Variants in ABCC6 observed in about 807,000 individuals in gnomAD.
The protein encoded by ABCC6 is ATP-binding cassette sub-family C member 6.
A neutral mutation model predicts 169.5 loss-of-function variants in ABCC6; 126 were observed. The ratio of observed to expected loss-of-function variants is 0.74; its 90% CI spans 0.64 to 0.86. ABCC6 has a LOEUF of 0.86. Among genes scored for constraint, ABCC6 ranks in the 40% least tolerant of loss-of-function variants. The pLI, the probability that ABCC6 is intolerant of heterozygous loss-of-function variation, is 0.00. For synonymous variants in ABCC6, 752 were observed against 814.7 expected (o/e 0.92, Z 1.31); for missense variants, 1,733 against 1,927.2 (o/e 0.90, Z 1.89).
At chr16:16,162,730 C>G (rs929489557) in intron 24 of ABCC6, among the ~76,000 whole-genome samples, 9 of 152,180 alleles carry the variant, frequency 5.9e-5, no homozygotes, top group Non-Finnish European at 1.2e-4. Context: ...TATATGGCTG[C>G]TTTATCACCA....
chr16:16,169,294 G>A (rs193173060), intron 22 of ABCC6, among the ~76,000 whole-genome samples: 20 of 152,200 alleles, frequency 1.3e-4, no homozygotes, highest in African/African-American at 4.6e-4. Context: ...CATTTTTGAG[G>A]AGGAGAAGAA....
At chr16:16,215,095 C>A (rs1257066344) in intron 4 of ABCC6, among the ~76,000 whole-genome samples, 1 of 152,206 alleles carries the variant, frequency 6.6e-6, no homozygotes, top group African/African-American at 2.4e-5. Context: ...CCACCCTCTA[C>A]CCCAATCTTC....
intron 11 of ABCC6, among the ~76,000 whole-genome samples, chr16:16,192,554 G>A (rs191524391): frequency 5.6e-4 from 85 of 152,246 alleles, no homozygotes; most frequent in Admixed American, 2.2e-3. Context: ...TTTTGAAGGT[G>A]ATGCCAAGCA....
chr16:16,200,140 A>G (rs1362959511), intron 9 of ABCC6, among the ~76,000 whole-genome samples: 1 of 150,832 alleles, frequency 6.6e-6, no homozygotes, highest in African/African-American at 2.4e-5. Flanking sequence ...TAACATAAAA[A>G]AGTAGCCCAG....
chr16:16,179,567 T>G (rs1208435378), intron 17 of ABCC6, among the ~76,000 whole-genome samples: 1 of 152,028 alleles, frequency 6.6e-6, no homozygotes, highest in Non-Finnish European at 1.5e-5. Context: ...GATTGTGCAC[T>G]TCTATTATTA....
chr16:16,158,143 T>G (rs150468), intron 26 of ABCC6, among the ~76,000 whole-genome samples: 20,260 of 152,204 alleles, frequency 0.13, 1,629 homozygotes, highest in Middle Eastern at 0.21. Flanking sequence ...CCTTTGCTGT[T>G]CCCGTGACCT....
chr16:16,195,225 G>T (rs567920693), intron 10 of ABCC6, among the ~76,000 whole-genome samples: 21 of 151,088 alleles, frequency 1.4e-4, no homozygotes, highest in African/African-American at 5.1e-4. Context: ...GTTAGGAACT[G>T]TCTACCAAGA....
chr16:16,172,794 G>A (rs868684744), intron 21 of ABCC6, among the ~76,000 whole-genome samples: 13 of 152,132 alleles, frequency 8.5e-5, no homozygotes, highest in Non-Finnish European at 4.4e-5. Flanking sequence ...TGTAACCCCA[G>A]CACTTTGGGA....
At position 16,203,409 on chromosome 16, in the gene ABCC6, C is replaced by T. The variant is rs1005584828; in HGVS notation, c.998+1G>A. 3.1e-6 allele frequency: 5 copies of T among 1,613,754 alleles called. No homozygotes were observed. The highest frequency in any genetic ancestry group is 4.2e-6 in the Non-Finnish European group (5 of 1,179,852). ...CAGGGCACTTGAGGTCTGGGACTCACCTGAGCAGCTTGGGGACAGTGAACC... is the reference window on the plus strand; with the variant it reads ...CAGGGCACTTGAGGTCTGGGACTCATCTGAGCAGCTTGGGGACAGTGAACC... On this transcript the variant is annotated splice_donor_variant, in intron 8 of 30. Coordinates refer to ENST00000205557, the MANE Select transcript of ABCC6 (RefSeq NM_001171.6). LOFTEE classifies it high-confidence loss of function.
Position 16,205,826 on chromosome 16 carries a change from A to G in ABCC6, c.795-2213T>C, listed in dbSNP as rs567169895. Reference sequence around the variant, plus strand: ...AGCTCCTGCACACAGTAGGAGCTCAATAAACACTTGTCAAATGAATGGGAA... The same window carrying G: ...AGCTCCTGCACACAGTAGGAGCTCAGTAAACACTTGTCAAATGAATGGGAA... On this transcript the variant is annotated intron_variant, in intron 7 of 30. Transcript: ENST00000205557. Among the ~76,000 whole-genome samples the G allele has an allele frequency of 3.3e-5, 5 of 152,330 alleles. No individual in the cohort carries two copies. The South Asian group carries it at 1.0e-3, about 32-fold the overall frequency.
intron 23 of ABCC6, 128 bp downstream of exon 23, chr16:16,165,495 G>A: frequency 1.0e-6 from 1 of 963,468 alleles, no homozygotes; most frequent in Non-Finnish European, 1.6e-6. Flanking sequence ...CCCTGTCCCT[G>A]GGAATTCTAG....
At chr16:16,182,619 G>T (rs1161414756) in intron 16 of ABCC6, 31 bp from the exon 17 acceptor site, 2 of 1,608,210 alleles carry the variant, frequency 1.2e-6, no homozygotes, top group African/African-American at 1.3e-5. Flanking sequence ...GTCACAGGAG[G>T]ATGATGGGGA....
intron 29 of ABCC6, among the ~76,000 whole-genome samples, chr16:16,151,871 C>T (rs1437797752): frequency 2.6e-5 from 4 of 152,016 alleles, no homozygotes; most frequent in Non-Finnish European, 4.4e-5. Flanking sequence ...GATCCGTCCT[C>T]GCTGAATCGT....
intron 15 of ABCC6, chr16:16,184,090 T>A (rs1006741179): frequency 5.8e-6 from 1 of 172,534 alleles, no homozygotes; most frequent in African/African-American, 2.4e-5. Context: ...TCCCAGCTAC[T>A]CGGGAGGCTG....
At chr16:16,218,144 C>G (rs963647557) in intron 4 of ABCC6, among the ~76,000 whole-genome samples, 113 of 149,908 alleles carry the variant, frequency 7.5e-4, no homozygotes, top group Non-Finnish European at 1.4e-3. Context: ...TGATGCTTCT[C>G]TACCTTCTCC....
intron 15 of ABCC6, 133 bp from the exon 16 acceptor site, chr16:16,183,063 TCCCAGTC>T: frequency 7.2e-7 from 1 of 1,379,508 alleles, no homozygotes; most frequent in East Asian, 2.3e-5. Context: ...CTGTTCTTTT[TCCCAGTC>T]CTTGTCTAGC....
intron 24 of ABCC6, among the ~76,000 whole-genome samples, chr16:16,161,824 A>G (rs2046730167): frequency 6.6e-6 from 1 of 152,052 alleles, no homozygotes; most frequent in Admixed American, 6.6e-5. Flanking sequence ...GAATTTGCCA[A>G]GCCATGTCCA....
In ABCC6 at chr16:16,203,120, C is replaced by G. The variant is rs536746440; in HGVS notation, c.998+290G>C. 3.9e-4 allele frequency among the ~76,000 whole-genome samples: 59 copies of G among 152,326 alleles called. No individual in the cohort carries two copies. The East Asian group carries it at 0.011, about 29-fold the overall frequency. Reference sequence around the variant, plus strand: ...AGCCCACATTACTGACCCACATTACCATGAACTAAATAAAAGAATGTTTGT... The same window carrying G: ...AGCCCACATTACTGACCCACATTACGATGAACTAAATAAAAGAATGTTTGT... On this transcript the variant is annotated intron_variant, in intron 8 of 30. Transcript: ENST00000205557.
At chr16:16,187,291 T>A in intron 13 of ABCC6, 80 bp from the exon 14 acceptor site, 2 of 1,159,978 alleles carry the variant, frequency 1.7e-6, no homozygotes, top group Non-Finnish European at 2.5e-6. Context: ...TCAAGATGTG[T>A]GGCAACAGCT....
Sources: gnomAD v4.1 joint callset for allele counts (sites outside exome capture counted in the v4.1 genomes callset) on GRCh38, gnomAD v4.1.1 for gene constraint, MANE v1.5 for transcripts, NCBI Gene and HGNC (gene_info 2026-07-23, HGNC 2026-07-21) for gene names.